Variants in SGK1 observed in about 807,000 individuals in gnomAD.
SGK1 encodes serine/threonine-protein kinase Sgk1.
SGK1 carries 26 observed loss-of-function variants against 64.2 expected under a neutral mutation model. That is an observed-to-expected ratio of 0.40 (90% CI 0.30 to 0.56). SGK1 has a LOEUF of 0.56. Among genes scored for constraint, SGK1 ranks in the 20% least tolerant of loss-of-function variants. SGK1 has a pLI of 0.38. For synonymous variants in SGK1, 265 were observed against 239.7 expected, an observed-to-expected ratio of 1.11 and a Z score of -0.98; for missense variants, 519 against 645.6, an observed-to-expected ratio of 0.80 and a Z score of 2.12.
chr6:134,294,781 G>T lies in SGK1; in HGVS notation c.69+22611C>A, dbSNP rs529699174. On this transcript the variant is annotated intron_variant, in intron 1 of 13. Transcript: ENST00000367858. ...TCGAACTCCTGATCCTCCCCCCTTG[G>T]CCTCCCAAAGTGCTGGGAATACAGG... Among the ~76,000 whole-genome samples, 4 of 152,182 alleles carry T rather than the reference G, an allele frequency of 2.6e-5. No homozygotes were observed. The South Asian group carries it at 6.2e-4, about 24-fold the overall frequency.
At chr6:134,177,781 C>T (rs370189087) in intron 3 of SGK1, 161 of 1,613,666 alleles carry the variant, frequency 1.0e-4, no homozygotes, top group Non-Finnish European at 1.3e-4. Flanking sequence ...AATAAGCCTC[C>T]CTGCTACATG....
chr6:134,264,268 T>C (rs567633185), intron 1 of SGK1, among the ~76,000 whole-genome samples: 158 of 151,908 alleles, frequency 1.0e-3, no homozygotes, highest in African/African-American at 3.3e-3. Context: ...TACAGGCACC[T>C]GCCACCATGC....
intron 1 of SGK1, among the ~76,000 whole-genome samples, chr6:134,262,819 A>G (rs1317080719): frequency 6.6e-6 from 1 of 152,036 alleles, no homozygotes; most frequent in Non-Finnish European, 1.5e-5. Context: ...AGGCAGGAGG[A>G]CTGCTTTAGC....
Position 134,174,600 on chromosome 6 carries a change from A to C in SGK1, c.362-14T>G. The C allele has an allele frequency of 6.2e-7, 1 of 1,612,650 alleles. No homozygotes were observed. Among genetic ancestry groups the C allele is most frequent in the Non-Finnish European group, 8.5e-7 (1 of 1,178,604 alleles). ...GCTTCATGAAAGCTGTGGATGAAGGAGGAGAAATAAAGAAACGTTTAGACG... is the reference window on the plus strand; with the variant it reads ...GCTTCATGAAAGCTGTGGATGAAGGCGGAGAAATAAAGAAACGTTTAGACG... On this transcript the variant is annotated splice_polypyrimidine_tract_variant and intron_variant, in intron 3 of 13. Coordinates refer to ENST00000367858, the MANE Select transcript of SGK1 (RefSeq NM_001143676.3).
intron 2 of SGK1, among the ~76,000 whole-genome samples, chr6:134,232,353 C>G (rs1349815659): frequency 2.0e-5 from 3 of 149,248 alleles, no homozygotes; most frequent in African/African-American, 5.0e-5. Context: ...CCACTGTACT[C>G]TAGCCTGGGC....
intron 3 of SGK1, among the ~76,000 whole-genome samples, chr6:134,202,515 C>T (rs1473915002): frequency 6.6e-6 from 1 of 151,994 alleles, no homozygotes; most frequent in Non-Finnish European, 1.5e-5. Flanking sequence ...GTGGCATGCA[C>T]CTGTAATCCC....
intron 2 of SGK1, among the ~76,000 whole-genome samples, chr6:134,233,576 G>C: frequency 6.6e-6 from 1 of 152,160 alleles, no homozygotes; most frequent in Non-Finnish European, 1.5e-5. Flanking sequence ...CTACCATTTT[G>C]AAGGCCTGAA....
intron 1 of SGK1, among the ~76,000 whole-genome samples, chr6:134,291,910 T>C (rs894116970): frequency 7.3e-5 from 11 of 151,060 alleles, no homozygotes; most frequent in African/African-American, 2.4e-4. Flanking sequence ...AAAATACACA[T>C]ACAAAAAATA....
intron 1 of SGK1, chr6:134,298,452 G>C: frequency 1.2e-6 from 1 of 856,736 alleles, no homozygotes; most frequent in Non-Finnish European, 2.0e-6. Flanking sequence ...CTGGATGTTG[G>C]GATCCACCTC....
chr6:134,187,120 T>C (rs1775438211), intron 3 of SGK1, among the ~76,000 whole-genome samples: 2 of 152,236 alleles, frequency 1.3e-5, no homozygotes, highest in South Asian at 4.1e-4. Context: ...CTGGCAGACA[T>C]ACACTTCTTT....
intron 2 of SGK1, among the ~76,000 whole-genome samples, chr6:134,238,598 C>A (rs1242650558): frequency 2.7e-5 from 4 of 150,352 alleles, no homozygotes; most frequent in Admixed American, 2.6e-4. Context: ...TTTTTTAATT[C>A]TCTCGAAACT....
At chr6:134,250,534 C>A (rs1776591688) in intron 2 of SGK1, among the ~76,000 whole-genome samples, 1 of 152,138 alleles carries the variant, frequency 6.6e-6, no homozygotes, top group Admixed American at 6.5e-5. Context: ...ACACTATGGA[C>A]AAATGTGTGT....
At chr6:134,274,358 A>G (rs1009324918) in intron 1 of SGK1, among the ~76,000 whole-genome samples, 1 of 152,202 alleles carries the variant, frequency 6.6e-6, no homozygotes, top group Non-Finnish European at 1.5e-5. Context: ...GTCAAGATCA[A>G]AGGAGCTAGA....
chr6:134,279,773 CA>C (rs1293409821), intron 1 of SGK1, among the ~76,000 whole-genome samples: 1 of 152,122 alleles, frequency 6.6e-6, no homozygotes, highest in East Asian at 1.9e-4. Flanking sequence ...ATAAAACCAG[CA>C]CTCAAAAAGA....
chr6:134,250,762 A>AT (rs1013415865), intron 2 of SGK1, among the ~76,000 whole-genome samples: 3 of 151,814 alleles, frequency 2.0e-5, no homozygotes, highest in Non-Finnish European at 4.4e-5. Flanking sequence ...TCTTTCCCCC[A>AT]TTTTTTTTAA....
intron 1 of SGK1, among the ~76,000 whole-genome samples, chr6:134,283,589 T>C (rs899798579): frequency 2.6e-5 from 4 of 151,932 alleles, no homozygotes; most frequent in African/African-American, 9.7e-5. Flanking sequence ...GACTCACGCC[T>C]GTAATCCCAG....
chr6:134,197,126 G>T (rs1428685688), intron 3 of SGK1, among the ~76,000 whole-genome samples: 1 of 152,090 alleles, frequency 6.6e-6, no homozygotes, highest in Non-Finnish European at 1.5e-5. Flanking sequence ...CCAGCTACTT[G>T]GGGGGCTGAG....
intron 1 of SGK1, among the ~76,000 whole-genome samples, chr6:134,284,522 A>G (rs1437074942): frequency 1.4e-5 from 2 of 145,580 alleles, no homozygotes; most frequent in African/African-American, 2.5e-5. Context: ...GTCTCACTCT[A>G]TCGCCCAGGC....
chr6:134,216,832 T>C (rs1054069991), intron 2 of SGK1, among the ~76,000 whole-genome samples: 1 of 152,060 alleles, frequency 6.6e-6, no homozygotes, highest in Admixed American at 6.6e-5. Flanking sequence ...ACCATTTGGA[T>C]TGGTGAGGAG....
Sources: gnomAD v4.1 joint callset for allele counts (sites outside exome capture counted in the v4.1 genomes callset) on GRCh38, gnomAD v4.1.1 for gene constraint, MANE v1.5 for transcripts, NCBI Gene and HGNC (gene_info 2026-07-23, HGNC 2026-07-21) for gene names.